Variants in DSG4 observed in about 807,000 individuals in gnomAD.
DSG4 encodes the protein desmoglein 4, also known as desmoglein-4.
A neutral mutation model predicts 93.1 loss-of-function variants in DSG4; 87 were observed. The ratio of observed to expected loss-of-function variants is 0.93; its 90% CI spans 0.79 to 1.12. DSG4 has a LOEUF of 1.12. DSG4 is among the 50% of genes most tolerant of loss of function. The probability of loss-of-function intolerance (pLI) is 0.00; values close to 1 mark genes in which losing one functional copy is unlikely to be tolerated. For missense variants in DSG4, 1,373 were observed against 1,285.7 expected (o/e 1.07, Z -1.04); for synonymous variants, 432 against 452.9 (o/e 0.95, Z 0.59).
intron 11 of DSG4, among the ~76,000 whole-genome samples, chr18:31,404,527 T>C (rs1315987467): frequency 6.6e-6 from 1 of 152,198 alleles, no homozygotes; most frequent in Non-Finnish European, 1.5e-5. Context: ...TTTCATGGGC[T>C]AGTCGGTGGC....
intron 14 of DSG4, chr18:31,411,018 C>G (rs937666145): frequency 5.7e-6 from 8 of 1,408,476 alleles, no homozygotes; most frequent in Middle Eastern, 2.5e-4. Flanking sequence ...AGGCCACGTC[C>G]CACCACTGAC....
At chr18:31,399,649 T>G (rs1297822283) in intron 9 of DSG4, 106 bp downstream of exon 9, 1 of 1,452,940 alleles carries the variant, frequency 6.9e-7, no homozygotes, top group African/African-American at 1.4e-5. Context: ...CTTTTTTGCT[T>G]TTATTATTCC....
intron 15 of DSG4, 35 bp from the exon 16 acceptor site, chr18:31,412,793 G>A: frequency 6.2e-7 from 1 of 1,611,892 alleles, no homozygotes; most frequent in African/African-American, 1.3e-5. Flanking sequence ...TAGGGAAAAA[G>A]AAATTTCTAA....
chr18:31,392,190 G>A lies in DSG4; in HGVS notation c.855G>A (p.Ser285=), dbSNP rs35210710. The A allele has an allele frequency of 2.3e-3, 3,752 of 1,613,584 alleles. 93 individuals are homozygous for A. The African/African-American group carries it at 0.046, about 20-fold the overall frequency. Residue 285 remains serine, a synonymous_variant, in exon 8 of 16, where the codon TCG becomes TCA. Coordinates refer to ENST00000308128, the MANE Select transcript of DSG4 (RefSeq NM_177986.5). ...SASIEENCLS[S]ELIRLQAIDL... ...GTATTGAAGAGAATTGTTTAAGTTCGGAACTGATACGATTACAAGCAATTG... is the reference window on the plus strand; with the variant it reads ...GTATTGAAGAGAATTGTTTAAGTTCAGAACTGATACGATTACAAGCAATTG...
rs772569389 is a variant in DSG4 at position 31,406,267 on chromosome 18, T to C, written c.1827T>C (p.Thr609=). Residue 609 remains threonine (T), a synonymous_variant, in exon 12 of 16, where the codon ACT becomes ACC. Coordinates refer to ENST00000308128, the MANE Select transcript of DSG4 (RefSeq NM_177986.5). ...CGGGCATCTACACAGAGGACATAAC[T>C]GGTGACACGTATGGGCCTGTCACTG... The part of the protein sequence containing the change: ...GAAGIYTEDI[T]GDTYGPVTED... 34 of 1,614,224 alleles carry C rather than the reference T, an allele frequency of 2.1e-5. No individual in the cohort carries two copies. The highest frequency in any genetic ancestry group is 2.0e-4 in the East Asian group (9 of 44,888).
intron 6 of DSG4, 69 bp downstream of exon 6, chr18:31,390,891 A>ATG: frequency 1.3e-6 from 2 of 1,561,834 alleles, no homozygotes; most frequent in Non-Finnish European, 1.7e-6. Flanking sequence ...AAAATGATCC[A>ATG]TGTGTACCCT....
At chr18:31,377,899 T>C (rs73410245) in intron 1 of DSG4, among the ~76,000 whole-genome samples, 10,164 of 152,286 alleles carry the variant, frequency 0.067, 348 homozygotes, top group African/African-American at 0.087. Flanking sequence ...GTGATTCCCA[T>C]CCTATTCTTA....
At chr18:31,399,740 A>G (rs1416874217) in intron 9 of DSG4, among the ~76,000 whole-genome samples, 197 bp downstream of exon 9, 1 of 152,252 alleles carries the variant, frequency 6.6e-6, no homozygotes, top group Non-Finnish European at 1.5e-5. Flanking sequence ...AAGGGCTCCA[A>G]CTAGTTATAA....
intron 7 of DSG4, among the ~76,000 whole-genome samples, chr18:31,391,637 A>C (rs911596251): frequency 2.6e-5 from 4 of 152,070 alleles, no homozygotes; most frequent in Admixed American, 2.6e-4. Context: ...AGCAGGGCCA[A>C]ATCTGGCTTG....
At chr18:31,387,535 A>T (rs973442839) in intron 3 of DSG4, among the ~76,000 whole-genome samples, 8 of 152,114 alleles carry the variant, frequency 5.3e-5, no homozygotes, top group African/African-American at 1.9e-4. Context: ...TTAAATTATT[A>T]TTTCCATTCA....
At chr18:31,380,115 A>T (rs770046277) in intron 1 of DSG4, among the ~76,000 whole-genome samples, 2 of 152,174 alleles carry the variant, frequency 1.3e-5, no homozygotes, top group African/African-American at 4.8e-5. Flanking sequence ...TCATATAAAA[A>T]AAGCTTTATA....
intron 7 of DSG4, 105 bp from the exon 8 acceptor site, chr18:31,392,050 C>T (rs1056173412): frequency 2.0e-5 from 22 of 1,090,414 alleles, no homozygotes; most frequent in Non-Finnish European, 2.6e-5. Flanking sequence ...GTGCAAAAAT[C>T]ATCGACATAG....
At chr18:31,407,504 A>G (rs1419411146) in intron 12 of DSG4, among the ~76,000 whole-genome samples, 3 of 152,236 alleles carry the variant, frequency 2.0e-5, no homozygotes. Context: ...GAGGAAGAAT[A>G]CTTCATACAT....
intron 12 of DSG4, among the ~76,000 whole-genome samples, chr18:31,408,095 T>TG (rs1166027959): frequency 4.6e-5 from 7 of 152,204 alleles, no homozygotes; most frequent in Non-Finnish European, 8.8e-5. Flanking sequence ...CTATGGACAC[T>TG]TGTTTTCAAT....
At chr18:31,386,853 T>A in intron 3 of DSG4, 34 bp downstream of exon 3, 1 of 1,612,020 alleles carries the variant, frequency 6.2e-7, no homozygotes, top group Non-Finnish European at 8.5e-7. Flanking sequence ...ACAAATGCTT[T>A]TGCAGAGCAG....
chr18:31,379,591 C>A (rs1167407851), intron 1 of DSG4, among the ~76,000 whole-genome samples: 2 of 152,122 alleles, frequency 1.3e-5, no homozygotes, highest in Non-Finnish European at 2.9e-5. Flanking sequence ...TGTGTGATGA[C>A]CATTCATGCT....
intron 14 of DSG4, among the ~76,000 whole-genome samples, chr18:31,410,236 A>G (rs1420871907): frequency 1.3e-5 from 2 of 152,148 alleles, no homozygotes; most frequent in African/African-American, 4.8e-5. Context: ...TAGTCAAGAC[A>G]TTTAACCTCA....
intron 13 of DSG4, 42 bp from the exon 14 acceptor site, chr18:31,409,703 A>C (rs1417571222): frequency 6.2e-7 from 1 of 1,613,914 alleles, no homozygotes; most frequent in African/African-American, 1.3e-5. Context: ...TAAATGTTTA[A>C]CATAAAGCGT....
At chr18:31,411,523 G>A in intron 15 of DSG4, 75 bp downstream of exon 15, 5 of 1,524,362 alleles carry the variant, frequency 3.3e-6, no homozygotes, top group Non-Finnish European at 4.5e-6. Flanking sequence ...CACAATGGTA[G>A]TAGGCCTCTT....
Sources: gnomAD v4.1 joint callset for allele counts (sites outside exome capture counted in the v4.1 genomes callset) on GRCh38, gnomAD v4.1.1 for gene constraint, MANE v1.5 for transcripts, NCBI Gene and HGNC (gene_info 2026-07-23, HGNC 2026-07-21) for gene names.